Variants in CYP3A43 observed in about 807,000 individuals in gnomAD.
The protein encoded by CYP3A43 is cytochrome P450 3A43.
In CYP3A43, 45 loss-of-function variants were observed where a neutral mutation model predicts 58.0. That is an observed-to-expected ratio of 0.78 (90% confidence interval 0.61 to 0.99). The LOEUF is 0.99. Ranked by LOEUF, CYP3A43 falls within the 50% of genes least tolerant of loss-of-function variation. The pLI, the probability that CYP3A43 is intolerant of heterozygous loss-of-function variation, is 0.00. For synonymous variants in CYP3A43, 191 were observed against 201.4 expected, an observed-to-expected ratio of 0.95 and a Z score of 0.44; for missense variants, 593 against 591.9, an observed-to-expected ratio of 1.00 and a Z score of -0.02.
In CYP3A43 at chr7:99,865,948, A is replaced by G. The variant is rs368553591; in HGVS notation, c.1459A>G (p.Lys487Glu). The part of the protein sequence containing the change: ...LDNLPILQPE[K>E]PIVLKVHLRD... ...CAATCTACCAATTCTTCAACCAGAA[A>G]AACCTATTGTTCTAAAAGTGCACTT... Residue 487 changes from lysine to glutamate, a missense_variant, in exon 13 of 13, where the codon AAA (lysine) becomes GAA (glutamate). By Grantham distance (56) the Lys-to-Glu change is moderately conservative. Coordinates refer to ENST00000354829, the MANE Select transcript of CYP3A43 (RefSeq NM_057095.3). 115 of 1,609,156 alleles carry G rather than the reference A, an allele frequency of 7.1e-5. No individual in the cohort carries two copies. Among genetic ancestry groups the G allele is most frequent in the Non-Finnish European group, 1.4e-5 (17 of 1,177,940 alleles).
chr7:99,848,366 T>A (rs911387649), intron 6 of CYP3A43, 112 bp downstream of exon 6: 1 of 1,163,098 alleles, frequency 8.6e-7, no homozygotes, highest in Non-Finnish European at 1.2e-6. Context: ...AAAGCAGGGC[T>A]GTGGTGTTGC....
intron 2 of CYP3A43, among the ~76,000 whole-genome samples, chr7:99,837,310 C>T (rs1817131491): frequency 7.9e-6 from 1 of 126,778 alleles, no homozygotes; most frequent in Admixed American, 8.2e-5. Context: ...AAGAGCGAGA[C>T]TGTGTCTCAA....
At chr7:99,850,194 A>G (rs1312691655) in intron 7 of CYP3A43, 3 of 275,386 alleles carry the variant, frequency 1.1e-5, no homozygotes, top group South Asian at 6.4e-5. Context: ...TAACCTCATG[A>G]TCCGCCCTCC....
rs1281701355 is a variant in CYP3A43 at position 99,849,555 on chromosome 7, G to A, written c.531G>A (p.Gly177=). The change falls in exon 7 of 13, where the codon GGG becomes GGA. Residue 177 remains glycine (G), a synonymous_variant. Transcript: ENST00000354829. ...SKSINLKDFF[G]AYTMDVITGT... ...GTTTTACTCTACTCAGTTTCTTTGG[G>A]GCCTACACCATGGATGTAATCACTG... The A allele has an allele frequency of 1.9e-6, 3 of 1,607,062 alleles. No homozygotes were observed. Among genetic ancestry groups the A allele is most frequent in the African/African-American group, 1.3e-5 (1 of 74,204 alleles).
intron 7 of CYP3A43, among the ~76,000 whole-genome samples, chr7:99,851,035 C>T (rs1322610261): frequency 6.6e-6 from 1 of 151,988 alleles, no homozygotes; most frequent in Non-Finnish European, 1.5e-5. Flanking sequence ...GGCATGGTGG[C>T]GGGTGTCTGT....
At chr7:99,833,202 G>C (rs1816917636) in intron 1 of CYP3A43, among the ~76,000 whole-genome samples, 1 of 152,120 alleles carries the variant, frequency 6.6e-6, no homozygotes, top group Non-Finnish European at 1.5e-5. Flanking sequence ...AGGAATCAGA[G>C]AGACTGATGG....
At chr7:99,833,733 G>A (rs945523479) in intron 1 of CYP3A43, among the ~76,000 whole-genome samples, 3 of 152,140 alleles carry the variant, frequency 2.0e-5, no homozygotes, top group East Asian at 1.9e-4. Context: ...CCACCTCCTC[G>A]CGGAGCTGAG....
chr7:99,859,124 A>C (rs2151623085), intron 9 of CYP3A43, among the ~76,000 whole-genome samples: 1 of 152,288 alleles, frequency 6.6e-6, no homozygotes, highest in East Asian at 1.9e-4. Context: ...CTATTACTTG[A>C]TGTCACTCAA....
intron 7 of CYP3A43, among the ~76,000 whole-genome samples, chr7:99,851,626 TTC>T (rs1817765097): frequency 6.6e-6 from 1 of 152,226 alleles, no homozygotes; most frequent in African/African-American, 2.4e-5. Flanking sequence ...TACAGCTGAA[TTC>T]TTTTTGTTAA....
At chr7:99,849,736 C>CTCTCT in intron 7 of CYP3A43, 42 bp downstream of exon 7, 1 of 1,492,128 alleles carries the variant, frequency 6.7e-7, no homozygotes, top group Admixed American at 2.4e-5. Flanking sequence ...CTCTCTCTCT[C>CTCTCT]ATCTAATTTT....
chr7:99,845,176 T>A (rs183453093), intron 4 of CYP3A43, among the ~76,000 whole-genome samples: 75 of 152,266 alleles, frequency 4.9e-4, no homozygotes, highest in Admixed American at 2.0e-3. Context: ...AAAGTTTAGG[T>A]CATAGTTCAC....
At chr7:99,858,006 C>T (rs1284672535) in intron 9 of CYP3A43, among the ~76,000 whole-genome samples, 5 of 152,114 alleles carry the variant, frequency 3.3e-5, no homozygotes, top group Admixed American at 2.6e-4. Flanking sequence ...AAAAGGGAAA[C>T]AGTCTATCGT....
At chr7:99,843,896 T>G (rs1029303022) in intron 3 of CYP3A43, among the ~76,000 whole-genome samples, 1 of 152,228 alleles carries the variant, frequency 6.6e-6, no homozygotes, top group Non-Finnish European at 1.5e-5. Context: ...AGCTCTTTTG[T>G]CTTTCAATGA....
chr7:99,846,889 G>A (rs1186632065), intron 4 of CYP3A43, among the ~76,000 whole-genome samples: 1 of 152,174 alleles, frequency 6.6e-6, no homozygotes, highest in Non-Finnish European at 1.5e-5. Flanking sequence ...CGCAAGTTGG[G>A]AAATAGCATT....
intron 8 of CYP3A43, 138 bp downstream of exon 8, chr7:99,855,856 G>C: frequency 4.0e-6 from 4 of 988,642 alleles, no homozygotes; most frequent in Non-Finnish European, 5.9e-6. Context: ...TTTACATTTT[G>C]CTGGGAATAA....
intron 6 of CYP3A43, among the ~76,000 whole-genome samples, chr7:99,848,911 G>A (rs1046566421): frequency 2.6e-5 from 4 of 152,190 alleles, no homozygotes; most frequent in Admixed American, 6.5e-5. Context: ...GGGATGCCCC[G>A]ATCAACTTTG....
intron 7 of CYP3A43, among the ~76,000 whole-genome samples, chr7:99,854,496 C>T (rs549083334): frequency 1.9e-4 from 29 of 152,136 alleles, no homozygotes; most frequent in African/African-American, 4.8e-4. Flanking sequence ...TGAGCCACCG[C>T]GCCCGGCTGA....
At chr7:99,848,343 C>A (rs1194962961) in intron 6 of CYP3A43, 89 bp downstream of exon 6, 8 of 1,372,858 alleles carry the variant, frequency 5.8e-6, no homozygotes, top group Non-Finnish European at 7.1e-6. Flanking sequence ...TGGGTTACTC[C>A]AGTGATCGGA....
At position 99,836,500 on chromosome 7, in the gene CYP3A43, G is replaced by A; in HGVS notation, c.119G>A (p.Gly40Glu). ...CTTTTTAAGAAGCTGGGAATTCCTG[G>A]GCCAACCCCTCTGCCTTTTCTGGGA... ...HKLFKKLGIP[G>E]PTPLPFLGTI... is the part of the protein sequence containing the mutation. The change falls in exon 2 of 13, where the codon GGG (glycine) becomes GAG (glutamate). Residue 40 changes from glycine to glutamate, a missense_variant. Transcript: ENST00000354829. The A allele has an allele frequency of 6.2e-7, 1 of 1,608,646 alleles. No individual in the cohort carries two copies. The highest frequency in any genetic ancestry group is 8.5e-7 in the Non-Finnish European group (1 of 1,178,778).
Sources: gnomAD v4.1 joint callset for allele counts (sites outside exome capture counted in the v4.1 genomes callset) on GRCh38, gnomAD v4.1.1 for gene constraint, MANE v1.5 for transcripts, NCBI Gene and HGNC (gene_info 2026-07-23, HGNC 2026-07-21) for gene names.